The following NEO1 variants were observed in gnomAD, a reference collection of about 807,000 sequenced individuals.
The protein encoded by NEO1 is neogenin.
NEO1 carries 63 observed loss-of-function variants against 159.7 expected under a neutral mutation model. The ratio of observed to expected loss-of-function variants is 0.39; its 90% CI spans 0.32 to 0.49. NEO1 has a LOEUF of 0.49. Among genes scored for constraint, NEO1 ranks in the 20% least tolerant of loss-of-function variants. The pLI, the probability that NEO1 is intolerant of heterozygous loss-of-function variation, is 0.85. For synonymous variants in NEO1, 633 were observed against 662.0 expected (o/e 0.96, Z 0.67); for missense variants, 1,615 against 1,831.0 (o/e 0.88, Z 2.15).
Position 73,058,471 on chromosome 15 carries a change from T to C in NEO1, c.130+5666T>C, listed in dbSNP as rs1041715197. Among the ~76,000 whole-genome samples the C allele has an allele frequency of 2.6e-5, 4 of 152,332 alleles. No homozygotes were observed. In the South Asian group the frequency reaches 6.2e-4, roughly 24 times the overall value. On this transcript the variant is annotated intron_variant, in intron 1 of 28. Coordinates refer to ENST00000261908, the MANE Select transcript of NEO1 (RefSeq NM_002499.4). The stretch of plus-strand genomic sequence containing the variant: ...CTGCTAATTGTGTATTCTCCTGTTA[T>C]GGATATGGAAGTTGTTTTTACTGTT...
chr15:73,176,428 T>G lies in NEO1; in HGVS notation c.1041T>G (p.Pro347=), dbSNP rs201453469. Residue 347 remains proline, a synonymous_variant, in exon 6 of 29, where the codon CCT becomes CCG. Coordinates refer to ENST00000261908, the MANE Select transcript of NEO1 (RefSeq NM_002499.4). ...CTCAACCTGAATTCCTGAAGCAGCC[T>G]ACTAATATATATGCTCACGAATCTA... is the stretch of plus-strand genomic sequence containing the variant. ...VQAQPEFLKQ[P]TNIYAHESMD... is the part of the protein sequence containing the mutation. The G allele has an allele frequency of 1.2e-5, 19 of 1,588,594 alleles. No individual in the cohort carries two copies. In the East Asian group the frequency reaches 2.0e-4, roughly 17 times the overall value.
chr15:73,236,227 C>A, intron 7 of NEO1, 120 bp from the exon 8 acceptor site: 1 of 1,348,070 alleles, frequency 7.4e-7, no homozygotes. Context: ...TTTTTCTGTT[C>A]TCTTTTTTAA....
intron 21 of NEO1, 151 bp from the exon 22 acceptor site, chr15:73,277,980 A>G (rs2041494329): frequency 3.3e-6 from 2 of 612,894 alleles, no homozygotes; most frequent in Admixed American, 2.9e-5. Flanking sequence ...CACATAGACT[A>G]TAGATTCCCA....
chr15:73,108,906 G>T (rs2070827109), intron 1 of NEO1, among the ~76,000 whole-genome samples: 1 of 152,130 alleles, frequency 6.6e-6, no homozygotes. Context: ...GAATAATGTG[G>T]CTTATTCACA....
At chr15:73,142,538 C>T (rs1473388811) in intron 5 of NEO1, among the ~76,000 whole-genome samples, 2 of 152,022 alleles carry the variant, frequency 1.3e-5, no homozygotes, top group African/African-American at 2.4e-5. Flanking sequence ...AAGAAGGCTT[C>T]AGAGGTCCCC....
intron 7 of NEO1, among the ~76,000 whole-genome samples, chr15:73,192,814 C>G (rs909051019): frequency 6.6e-6 from 1 of 151,884 alleles, no homozygotes; most frequent in Admixed American, 6.6e-5. Context: ...CAAGTCTACA[C>G]AGAAATCTAT....
chr15:73,073,607 T>G (rs932724120), intron 1 of NEO1, among the ~76,000 whole-genome samples: 1 of 152,136 alleles, frequency 6.6e-6, no homozygotes. Flanking sequence ...TAGAAAGATT[T>G]GCATTCGACC....
At position 73,271,436 on chromosome 15, in the gene NEO1, TAA is replaced by T. The variant is rs1005065044; in HGVS notation, c.2857+985_2857+986del. On this transcript the variant is annotated intron_variant, in intron 18 of 28. Transcript: ENST00000261908. ...TTTGCTCATTTTCCTACTAGTGTGT[TAA>T]AAGTTTTCAGCTATCACATGGAAAC... Among the ~76,000 whole-genome samples, 46 of 152,224 alleles carry T rather than the reference TAA, an allele frequency of 3.0e-4. 1 individual carries two copies. The highest frequency in any genetic ancestry group is 1.0e-3 in the African/African-American group (43 of 41,452).
chr15:73,170,931 A>G (rs1229572175), intron 5 of NEO1, among the ~76,000 whole-genome samples: 1 of 152,072 alleles, frequency 6.6e-6, no homozygotes, highest in Non-Finnish European at 1.5e-5. Context: ...AACATCACCA[A>G]AAGAGAGATA....
intron 7 of NEO1, among the ~76,000 whole-genome samples, chr15:73,211,267 C>T (rs994576627): frequency 1.3e-5 from 2 of 152,138 alleles, no homozygotes; most frequent in Non-Finnish European, 2.9e-5. Flanking sequence ...ATCCCTAAGA[C>T]TAAGGAAAAC....
At chr15:73,095,977 C>T (rs887097200) in intron 1 of NEO1, among the ~76,000 whole-genome samples, 9 of 152,108 alleles carry the variant, frequency 5.9e-5, no homozygotes, top group Admixed American at 1.3e-4. Context: ...GAACAAACGT[C>T]AAATTTATGG....
chr15:73,108,083 A>G (rs926537229), intron 1 of NEO1, among the ~76,000 whole-genome samples: 1 of 152,254 alleles, frequency 6.6e-6, no homozygotes, highest in African/African-American at 2.4e-5. Context: ...TTAATGTGAA[A>G]CAATTCTTAT....
At chr15:73,278,467 TAG>T (rs1376931261) in intron 22 of NEO1, among the ~76,000 whole-genome samples, 2 of 152,188 alleles carry the variant, frequency 1.3e-5, no homozygotes, top group Non-Finnish European at 2.9e-5. Context: ...AGAAAAGAGT[TAG>T]AGTTTCGCTT....
chr15:73,075,250 G>A (rs754209877), intron 1 of NEO1, among the ~76,000 whole-genome samples: 11 of 152,078 alleles, frequency 7.2e-5, no homozygotes, highest in Non-Finnish European at 1.3e-4. Flanking sequence ...TTGTGGGGGC[G>A]GGAAAGGGAC....
At chr15:73,178,487 T>G in intron 7 of NEO1, 60 bp downstream of exon 7, 1 of 1,585,260 alleles carries the variant, frequency 6.3e-7, no homozygotes, top group Non-Finnish European at 8.6e-7. Context: ...CAAGCACCCA[T>G]CCGTCCAAAT....
chr15:73,076,277 G>A (rs1010090413), intron 1 of NEO1, among the ~76,000 whole-genome samples: 17 of 152,056 alleles, frequency 1.1e-4, no homozygotes, highest in Admixed American at 4.6e-4. Flanking sequence ...TTTTAGATAC[G>A]CAGAGACTGT....
intron 1 of NEO1, among the ~76,000 whole-genome samples, chr15:73,059,315 G>C (rs562332043): frequency 6.6e-6 from 1 of 152,190 alleles, no homozygotes; most frequent in Non-Finnish European, 1.5e-5. Flanking sequence ...TGAGGAGTTA[G>C]CAGGTTGGTG....
At chr15:73,148,409 T>A (rs898502097) in intron 5 of NEO1, among the ~76,000 whole-genome samples, 6 of 152,202 alleles carry the variant, frequency 3.9e-5, no homozygotes, top group Non-Finnish European at 7.3e-5. Context: ...ATAATTTTTT[T>A]AAATGCCCCC....
chr15:73,238,935 G>A (rs990074569), intron 8 of NEO1, among the ~76,000 whole-genome samples: 19 of 152,178 alleles, frequency 1.2e-4, no homozygotes, highest in African/African-American at 4.3e-4. Flanking sequence ...TGCAGCCTCC[G>A]CTTCCCAGGT....
Sources: gnomAD v4.1 joint callset for allele counts (sites outside exome capture counted in the v4.1 genomes callset) on GRCh38, gnomAD v4.1.1 for gene constraint, MANE v1.5 for transcripts, NCBI Gene and HGNC (gene_info 2026-07-23, HGNC 2026-07-21) for gene names.